The following HEMK2 variants were observed in gnomAD, a reference collection of about 807,000 sequenced individuals.
HEMK2 encodes methyltransferase HEMK2.
chr21:28,640,754 C>T, the HEMK2 span, among the ~76,000 whole-genome samples: 4 of 152,134 alleles, frequency 2.6e-5, no homozygotes, highest in African/African-American at 9.7e-5. Flanking sequence ...TCTCATCTGC[C>T]CAGCTGCCTT....
the HEMK2 span, among the ~76,000 whole-genome samples, chr21:28,592,635 T>C: frequency 6.6e-6 from 1 of 152,210 alleles, no homozygotes; most frequent in Non-Finnish European, 1.5e-5. Flanking sequence ...CTCTTATCCC[T>C]AGGGGACTCA....
chr21:28,599,212 A>T, the HEMK2 span, among the ~76,000 whole-genome samples: 1 of 152,222 alleles, frequency 6.6e-6, no homozygotes, highest in African/African-American at 2.4e-5. Flanking sequence ...TTGATGGTGA[A>T]GTAGTGTTGT....
At chr21:28,648,143 A>C in the HEMK2 span, among the ~76,000 whole-genome samples, 1 of 152,338 alleles carries the variant, frequency 6.6e-6, no homozygotes, top group African/African-American at 2.4e-5. Flanking sequence ...AAATGTTAGG[A>C]ACTTGAAAAA....
the HEMK2 span, among the ~76,000 whole-genome samples, chr21:28,856,844 T>C: frequency 4.6e-5 from 7 of 152,354 alleles, no homozygotes; most frequent in African/African-American, 1.7e-4. Flanking sequence ...TCTGAAGCAC[T>C]GAGCTGTGCG....
chr21:28,797,433 CAAAAAAAACAAAA>C, the HEMK2 span, among the ~76,000 whole-genome samples: 4,582 of 127,474 alleles, frequency 0.036, 192 homozygotes, highest in African/African-American at 0.13. Flanking sequence ...CTGTCTCTAC[CAAAAAAAACAAAA>C]AAAAAAAACA....
the HEMK2 span, among the ~76,000 whole-genome samples, chr21:28,654,609 A>G: frequency 6.6e-6 from 1 of 151,104 alleles, no homozygotes; most frequent in South Asian, 2.1e-4. Flanking sequence ...AAAATAAAAC[A>G]CACATTTTAA....
chr21:28,585,539 A>C, the HEMK2 span, among the ~76,000 whole-genome samples: 2 of 152,010 alleles, frequency 1.3e-5, no homozygotes, highest in Non-Finnish European at 2.9e-5. Context: ...AAAAATGACA[A>C]GGCAGACTTT....
At chr21:28,772,433 A>G in the HEMK2 span, among the ~76,000 whole-genome samples, 60 of 152,250 alleles carry the variant, frequency 3.9e-4, no homozygotes, top group Non-Finnish European at 8.4e-4. Context: ...ATACTGTCTT[A>G]ATGCCGTAAG....
the HEMK2 span, among the ~76,000 whole-genome samples, chr21:28,673,121 A>C: frequency 6.7e-6 from 1 of 150,240 alleles, no homozygotes; most frequent in East Asian, 2.0e-4. Flanking sequence ...GAAGCAAAGA[A>C]GGAAGGAGGG....
the HEMK2 span, among the ~76,000 whole-genome samples, chr21:28,838,972 A>AAAAAAATATAT: frequency 1.0e-4 from 3 of 29,150 alleles, no homozygotes; most frequent in African/African-American, 3.9e-4. Flanking sequence ...AAAAAAAAAA[A>AAAAAAATATAT]ATATATATAT....
chr21:28,859,808 T>C, the HEMK2 span, among the ~76,000 whole-genome samples: 1 of 152,016 alleles, frequency 6.6e-6, no homozygotes, highest in Non-Finnish European at 1.5e-5. Context: ...CAGCTCTCCA[T>C]ATAGAAAAAA....
the HEMK2 span, among the ~76,000 whole-genome samples, chr21:28,833,769 T>C: frequency 6.6e-6 from 1 of 152,226 alleles, no homozygotes; most frequent in Non-Finnish European, 1.5e-5. Flanking sequence ...CCTCTATCGT[T>C]TTCTCACTAC....
the HEMK2 span, among the ~76,000 whole-genome samples, chr21:28,838,967 AAAAAAATATATATATATATATAT>A: frequency 1.8e-5 from 1 of 55,610 alleles, no homozygotes; most frequent in Non-Finnish European, 3.2e-5. Context: ...AAAAAAAAAA[AAAAAAATATATATATATATATAT>A]ATATATATAT....
the HEMK2 span, among the ~76,000 whole-genome samples, chr21:28,754,708 T>C: frequency 6.6e-6 from 1 of 152,234 alleles, no homozygotes; most frequent in African/African-American, 2.4e-5. Context: ...TGTAAACATT[T>C]ATAAAATGTA....
chr21:28,878,157 C>A, the HEMK2 span: 1 of 1,492,796 alleles, frequency 6.7e-7, no homozygotes, highest in Non-Finnish European at 9.0e-7. Flanking sequence ...ATTTCAGCAA[C>A]ATAAATGCTT....
the HEMK2 span, among the ~76,000 whole-genome samples, chr21:28,845,783 CTCTT>C: frequency 6.6e-6 from 1 of 151,960 alleles, no homozygotes; most frequent in South Asian, 2.1e-4. Flanking sequence ...TTACCAAATT[CTCTT>C]TTTTTTCTTT....
the HEMK2 span, among the ~76,000 whole-genome samples, chr21:28,695,179 G>T: frequency 6.6e-6 from 1 of 152,020 alleles, no homozygotes; most frequent in Admixed American, 6.6e-5. Flanking sequence ...ATGAACCAGT[G>T]AAAAAATATA....
chr21:28,767,394 T>A, the HEMK2 span, among the ~76,000 whole-genome samples: 2 of 151,328 alleles, frequency 1.3e-5, no homozygotes, highest in Non-Finnish European at 2.9e-5. Flanking sequence ...ATTTAAGAGC[T>A]ATGATTTGAA....
the HEMK2 span, among the ~76,000 whole-genome samples, chr21:28,773,207 A>G: frequency 6.6e-6 from 1 of 152,156 alleles, no homozygotes; most frequent in Admixed American, 6.5e-5. Context: ...CACACCAAAT[A>G]CCACAGTCCA....
Sources: allele counts gnomAD v4.1 joint callset (sites outside exome capture counted in the v4.1 genomes callset), GRCh38; gene constraint gnomAD v4.1.1; transcripts MANE v1.5; gene names NCBI Gene and HGNC (gene_info 2026-07-23, HGNC 2026-07-21).